The following CELF1 variants were observed in gnomAD, a reference collection of about 807,000 sequenced individuals.
CELF1 encodes 50 kDa nuclear polyadenylated RNA-binding protein.
In CELF1, 10 loss-of-function variants were observed where a neutral mutation model predicts 61.8. The ratio of observed to expected loss-of-function variants is 0.16; its 90% CI spans 0.10 to 0.27. CELF1 has a LOEUF of 0.27. Among genes scored for constraint, CELF1 ranks in the 10% least tolerant of loss-of-function variants. The pLI, the probability that CELF1 is intolerant of heterozygous loss-of-function variation, is 1.00. For missense variants in CELF1, 380 were observed against 639.1 expected (o/e 0.59, Z 4.37); for synonymous variants, 236 against 225.1 (o/e 1.05, Z -0.43).
intron 13 of CELF1, among the ~76,000 whole-genome samples, chr11:47,474,805 C>T (rs1182277520): frequency 6.6e-6 from 1 of 152,200 alleles, no homozygotes; most frequent in East Asian, 1.9e-4. Flanking sequence ...AAGAGTCTCT[C>T]CTATTTTTCT....
chr11:47,532,603 G>A (rs990097081), intron 1 of CELF1, among the ~76,000 whole-genome samples: 31 of 152,188 alleles, frequency 2.0e-4, no homozygotes, highest in African/African-American at 6.5e-4. Context: ...TGAATCCAAT[G>A]TGTGGGTAGA....
At chr11:47,496,598 G>GT (rs1432989508) in intron 3 of CELF1, among the ~76,000 whole-genome samples, 2 of 152,208 alleles carry the variant, frequency 1.3e-5, no homozygotes, top group Non-Finnish European at 2.9e-5. Flanking sequence ...AGGGGGAGGT[G>GT]TGTGTGCAGA....
At chr11:47,499,725 A>T (rs2093657885) in intron 2 of CELF1, 121 bp from the exon 3 acceptor site, 1 of 571,682 alleles carries the variant, frequency 1.7e-6, no homozygotes, top group African/African-American at 1.9e-5. Flanking sequence ...TAAAATGGGG[A>T]TGTGACCATG....
chr11:47,531,613 G>C (rs2096479253), intron 1 of CELF1, among the ~76,000 whole-genome samples: 1 of 152,020 alleles, frequency 6.6e-6, no homozygotes, highest in Non-Finnish European at 1.5e-5. Context: ...TATTATTTTT[G>C]AACCCCAAGC....
Position 47,487,240 on chromosome 11 carries a change from C to A in CELF1, c.261G>T (p.Gly87=), listed in dbSNP as rs142922965. The change falls in exon 5 of 15, where the codon GGG becomes GGT. Residue 87 remains glycine (G), a splice_region_variant and synonymous_variant. Coordinates refer to ENST00000687097, the MANE Select transcript of CELF1 (RefSeq NM_001376376.1). ...GGGTGTAAAATGTAACAAAACAGCA[C>A]CCTGCAATAAATAAGATTTCATAAA... is the stretch of plus-strand genomic sequence containing the variant. ...DRSQNPPQSK[G]CCFVTFYTRK... 1 of 1,608,468 alleles carries A rather than the reference C, an allele frequency of 6.2e-7. No individual in the cohort carries two copies. Among genetic ancestry groups the A allele is most frequent in the Non-Finnish European group, 8.5e-7 (1 of 1,177,500 alleles).
intron 1 of CELF1, among the ~76,000 whole-genome samples, chr11:47,531,517 C>T (rs771081351): frequency 2.0e-4 from 30 of 151,974 alleles, no homozygotes; most frequent in Admixed American, 6.6e-4. Context: ...TGCAGTGAGC[C>T]AAGATCACAC....
At chr11:47,472,426 CAAGATACCTTATGT>C in intron 14 of CELF1, 69 bp from the exon 15 acceptor site, 2 of 1,536,222 alleles carry the variant, frequency 1.3e-6, no homozygotes, top group South Asian at 1.1e-5. Flanking sequence ...CCTCCTTATG[CAAGATACCTTATGT>C]GCTTCATCTC....
chr11:47,534,733 TAAATA>T (rs551786754), intron 1 of CELF1, among the ~76,000 whole-genome samples: 313 of 151,966 alleles, frequency 2.1e-3, no homozygotes, highest in Middle Eastern at 3.4e-3. Flanking sequence ...ATCTCAAAAA[TAAATA>T]AAATAAAATA....
chr11:47,527,585 C>T (rs1289566864), intron 1 of CELF1, among the ~76,000 whole-genome samples: 1 of 152,114 alleles, frequency 6.6e-6, no homozygotes, highest in Non-Finnish European at 1.5e-5. Flanking sequence ...TAAGCCTCTT[C>T]ATTGTATATA....
At chr11:47,558,966 ATATAT>A (rs943724226) in intron 2 of CELF1, among the ~76,000 whole-genome samples, 19 of 139,526 alleles carry the variant, frequency 1.4e-4, no homozygotes, top group African/African-American at 3.9e-4. Flanking sequence ...ATAATATGTA[ATATAT>A]TATATATGTT....
intron 3 of CELF1, among the ~76,000 whole-genome samples, 192 bp from the exon 4 acceptor site, chr11:47,489,216 A>G (rs2153475509): frequency 6.6e-6 from 1 of 152,308 alleles, no homozygotes; most frequent in East Asian, 1.9e-4. Flanking sequence ...ATCAGATGCC[A>G]AACTAAAGTC....
intron 12 of CELF1, among the ~76,000 whole-genome samples, chr11:47,476,171 T>C (rs1404228692): frequency 6.6e-6 from 1 of 151,818 alleles, no homozygotes; most frequent in Non-Finnish European, 1.5e-5. Context: ...CAGATAATTT[T>C]TGTAGAGATG....
intron 1 of CELF1, among the ~76,000 whole-genome samples, chr11:47,539,402 G>C (rs148066386): frequency 2.6e-5 from 4 of 152,052 alleles, no homozygotes; most frequent in East Asian, 3.9e-4. Flanking sequence ...CTGTAATCCC[G>C]GCACTTTGGG....
chr11:47,551,969 C>G (rs185051525), intron 1 of CELF1, among the ~76,000 whole-genome samples: 125 of 149,688 alleles, frequency 8.4e-4, no homozygotes, highest in African/African-American at 2.9e-3. Context: ...GCCGAGATAG[C>G]GCCACTGCAC....
chr11:47,488,850 C>T lies in CELF1; in HGVS notation c.246G>A (p.Pro82=), dbSNP rs750917434. The change falls in exon 4 of 15, where the codon CCG becomes CCA. Residue 82 remains proline (P), a synonymous_variant. Coordinates refer to ENST00000687097, the MANE Select transcript of CELF1 (RefSeq NM_001376376.1). The part of the protein sequence containing the change: ...INVLRDRSQN[P]PQSKGCCFVT... ...CAAAGCCCTAACCTTTGCTCTGAGG[C>T]GGGTTTTGGCTCCTATCCCTTAGGA... is the stretch of plus-strand genomic sequence containing the variant. The T allele has an allele frequency of 2.7e-5, 42 of 1,554,998 alleles. No homozygotes were observed. Among genetic ancestry groups the T allele is most frequent in the East Asian group, 1.9e-4 (8 of 41,056 alleles).
intron 1 of CELF1, among the ~76,000 whole-genome samples, chr11:47,534,120 C>G (rs1240536222): frequency 6.8e-6 from 1 of 147,974 alleles, no homozygotes; most frequent in Non-Finnish European, 1.5e-5. Context: ...CCTCCGCCTC[C>G]TTAGTTCAAA....
chr11:47,482,207 A>AAAATAAAT (rs55860292), intron 9 of CELF1, among the ~76,000 whole-genome samples: 1,525 of 150,290 alleles, frequency 0.01, 13 homozygotes, highest in African/African-American at 0.02. Context: ...TCCGTCTCAA[A>AAAATAAAT]AAATAAATAA....
intron 1 of CELF1, among the ~76,000 whole-genome samples, chr11:47,530,971 G>A (rs1439679537): frequency 6.6e-6 from 1 of 152,032 alleles, no homozygotes; most frequent in Non-Finnish European, 1.5e-5. Context: ...AAAAAGCCCG[G>A]CGTGGTAGCT....
chr11:47,541,766 GA>G lies in CELF1; in HGVS notation c.-154+11225del, dbSNP rs1209699479. On this transcript the variant is annotated intron_variant, in intron 1 of 14. Transcript: ENST00000687097. ...CGAAAGAAAGAAAGAACGAAAGAAA[GA>G]ACGAAAGAAAGAACGAAAGAAAGAA... Among the ~76,000 whole-genome samples the G allele has an allele frequency of 4.8e-4, 4 of 8,400 alleles. 1 individual carries two copies. The highest frequency in any genetic ancestry group is 1.4e-3 in the African/African-American group (4 of 2,858). 5.5% of individuals were successfully genotyped at this position (8,400 alleles called of 152,430 possible).
Sources: allele counts gnomAD v4.1 joint callset (sites outside exome capture counted in the v4.1 genomes callset), GRCh38; gene constraint gnomAD v4.1.1; transcripts MANE v1.5; gene names NCBI Gene and HGNC (gene_info 2026-07-23, HGNC 2026-07-21).